Variants in NPFFR2 observed in about 807,000 individuals in gnomAD.
NPFFR2 encodes the protein neuropeptide FF receptor 2.
A neutral mutation model predicts 13.1 loss-of-function variants in NPFFR2; 15 were observed. That is an observed-to-expected ratio of 1.15 (90% confidence interval 0.77 to 1.76). The LOEUF is 1.76. Ranked by LOEUF, NPFFR2 falls within the 40% of genes most tolerant of loss-of-function variation. NPFFR2 has a pLI of 0.00. For missense variants in NPFFR2, 572 were observed against 503.5 expected (o/e 1.14, Z -1.30); for synonymous variants, 190 against 175.7 (o/e 1.08, Z -0.65).
At position 72,106,548 on chromosome 4, in the gene NPFFR2, G is replaced by A. The variant is rs529963811; in HGVS notation, c.-7-22037G>A. On this transcript the variant is annotated intron_variant, in intron 1 of 3. Transcript: ENST00000308744. ...CTATAATAACACTCAGAAAAGTAAG[G>A]GTCAGCTTAAAACTCTGTCCATTCC... Among the ~76,000 whole-genome samples, 127 of 151,964 alleles carry A rather than the reference G, an allele frequency of 8.4e-4. 1 individual carries two copies. Among genetic ancestry groups the A allele is most frequent in the African/African-American group, 3.0e-3 (125 of 41,476 alleles).
At chr4:72,123,672 A>C (rs1721956546) in intron 1 of NPFFR2, among the ~76,000 whole-genome samples, 1 of 152,234 alleles carries the variant, frequency 6.6e-6, no homozygotes, top group South Asian at 2.1e-4. Context: ...CCACATGATT[A>C]TCTCAATAGA....
At chr4:72,047,839 C>G (rs1560393859) in intron 1 of NPFFR2, among the ~76,000 whole-genome samples, 1 of 152,118 alleles carries the variant, frequency 6.6e-6, no homozygotes, top group Non-Finnish European at 1.5e-5. Flanking sequence ...GAGATAGACA[C>G]ACAAGCATAT....
intron 1 of NPFFR2, among the ~76,000 whole-genome samples, chr4:72,042,233 A>T (rs1719241886): frequency 6.6e-6 from 1 of 152,076 alleles, no homozygotes; most frequent in Non-Finnish European, 1.5e-5. Flanking sequence ...CCATGTGAAG[A>T]AGGAAATGTT....
At chr4:72,127,510 C>A (rs1285862518) in intron 1 of NPFFR2, among the ~76,000 whole-genome samples, 1 of 145,304 alleles carries the variant, frequency 6.9e-6, no homozygotes, top group Non-Finnish European at 1.5e-5. Context: ...ACCACAGGCG[C>A]CCGCCACCAC....
chr4:72,126,071 T>G (rs1268392318), intron 1 of NPFFR2, among the ~76,000 whole-genome samples: 1 of 152,218 alleles, frequency 6.6e-6, no homozygotes, highest in African/African-American at 2.4e-5. Flanking sequence ...CAGGATAAGA[T>G]TATGCATTTT....
At chr4:72,130,649 C>T (rs1722207383) in intron 2 of NPFFR2, among the ~76,000 whole-genome samples, 1 of 152,150 alleles carries the variant, frequency 6.6e-6, no homozygotes, top group Non-Finnish European at 1.5e-5. Flanking sequence ...TCTCAAGCCC[C>T]TTGTGGGAGG....
At chr4:72,037,293 G>C (rs1357574645) in intron 1 of NPFFR2, among the ~76,000 whole-genome samples, 1 of 151,438 alleles carries the variant, frequency 6.6e-6, no homozygotes, top group African/African-American at 2.4e-5. Context: ...AGCAACTCGG[G>C]AAGTTAAGGT....
chr4:72,040,103 T>C (rs913994116), intron 1 of NPFFR2, among the ~76,000 whole-genome samples: 1 of 152,162 alleles, frequency 6.6e-6, no homozygotes, highest in African/African-American at 2.4e-5. Context: ...TCATAGTAGG[T>C]GTTTTCCATA....
intron 1 of NPFFR2, among the ~76,000 whole-genome samples, chr4:72,045,495 A>G (rs1719351047): frequency 6.6e-6 from 1 of 152,192 alleles, no homozygotes. Flanking sequence ...TGCTCAGGAT[A>G]TCTGAGCAAC....
intron 3 of NPFFR2, among the ~76,000 whole-genome samples, chr4:72,141,667 G>T (rs1722630592): frequency 6.6e-6 from 1 of 152,136 alleles, no homozygotes; most frequent in Non-Finnish European, 1.5e-5. Flanking sequence ...GCTGAGGAGT[G>T]CTTTACTTCC....
At chr4:72,131,036 C>T (rs1352884974) in intron 2 of NPFFR2, among the ~76,000 whole-genome samples, 1 of 151,896 alleles carries the variant, frequency 6.6e-6, no homozygotes, top group African/African-American at 2.4e-5. Context: ...ACCATAGTCT[C>T]CAATGCCCAG....
intron 1 of NPFFR2, among the ~76,000 whole-genome samples, chr4:72,128,017 T>C (rs918762072): frequency 6.6e-6 from 1 of 152,070 alleles, no homozygotes; most frequent in Non-Finnish European, 1.5e-5. Flanking sequence ...AGATCAAGGC[T>C]ATAGTGAGCT....
chr4:72,058,072 A>G (rs1274680719), intron 1 of NPFFR2, among the ~76,000 whole-genome samples: 1 of 151,954 alleles, frequency 6.6e-6, no homozygotes, highest in Non-Finnish European at 1.5e-5. Flanking sequence ...TCTAAAAGAC[A>G]TTGCCAGGAG....
At chr4:72,135,993 C>T (rs1184736821) in intron 2 of NPFFR2, among the ~76,000 whole-genome samples, 5 of 152,090 alleles carry the variant, frequency 3.3e-5, no homozygotes, top group Admixed American at 2.6e-4. Context: ...CATTTCAATT[C>T]TACTCTTAGT....
intron 1 of NPFFR2, among the ~76,000 whole-genome samples, chr4:72,121,095 A>T (rs1276613258): frequency 6.6e-6 from 1 of 152,090 alleles, no homozygotes; most frequent in African/African-American, 2.4e-5. Context: ...CGAGAACTTC[A>T]TGAAACATAA....
At chr4:72,122,692 C>A (rs1261145525) in intron 1 of NPFFR2, among the ~76,000 whole-genome samples, 1 of 152,180 alleles carries the variant, frequency 6.6e-6, no homozygotes, top group Non-Finnish European at 1.5e-5. Context: ...TAAGTAAGTT[C>A]TTTGAAACCA....
intron 3 of NPFFR2, chr4:72,146,571 T>G (rs1032594563): frequency 1.7e-5 from 3 of 179,036 alleles, no homozygotes; most frequent in Middle Eastern, 2.6e-3. Flanking sequence ...GAGGTTGAGT[T>G]TGAGCTCTGA....
chr4:72,078,492 G>C (rs1200589141), intron 1 of NPFFR2, among the ~76,000 whole-genome samples: 1 of 152,036 alleles, frequency 6.6e-6, no homozygotes, highest in East Asian at 1.9e-4. Flanking sequence ...TCCCCAAATG[G>C]ATCTGTAGAA....
At position 72,045,482 on chromosome 4, in the gene NPFFR2, G is replaced by T. The variant is rs1384911495; in HGVS notation, c.-8+13282G>T. 6.6e-5 allele frequency among the ~76,000 whole-genome samples: 10 copies of T among 152,012 alleles called. 1 individual carries two copies. The South Asian group carries it at 2.1e-3, about 32-fold the overall frequency. On this transcript the variant is annotated intron_variant, in intron 1 of 3. Transcript: ENST00000308744. Reference sequence around the variant, plus strand: ...AGTGTGATACTTTTGCCTTTGCTCTGTTTGCTCAGGATATCTGAGCAACCA... The same window carrying T: ...AGTGTGATACTTTTGCCTTTGCTCTTTTTGCTCAGGATATCTGAGCAACCA...
Sources: allele counts gnomAD v4.1 joint callset (sites outside exome capture counted in the v4.1 genomes callset), GRCh38; gene constraint gnomAD v4.1.1; transcripts MANE v1.5; gene names NCBI Gene and HGNC (gene_info 2026-07-23, HGNC 2026-07-21).